NBEA: variants seen among roughly 807,000 people sequenced by gnomAD.
NBEA encodes the protein lysosomal-trafficking regulator 2.
In NBEA, 44 loss-of-function variants were observed where a neutral mutation model predicts 343.4. The observed-to-expected ratio is 0.13, with a 90% CI of 0.10 to 0.16. The LOEUF (loss-of-function observed/expected upper bound fraction) is 0.16. Among genes scored for constraint, NBEA ranks in the 10% least tolerant of loss-of-function variants. NBEA has a pLI of 1.00. For missense variants in NBEA, 2,555 were observed against 3,631.3 expected, an observed-to-expected ratio of 0.70 and a Z score of 7.62; for synonymous variants, 1,175 against 1,238.7, an observed-to-expected ratio of 0.95 and a Z score of 1.08.
intron 1 of NBEA, among the ~76,000 whole-genome samples, chr13:34,966,703 G>T (rs2059831681): frequency 6.7e-6 from 1 of 149,318 alleles, no homozygotes; most frequent in East Asian, 2.0e-4. Context: ...TGAGGTAAAT[G>T]ATGTTATTTT....
chr13:35,378,157 G>A (rs890544095), intron 38 of NBEA, among the ~76,000 whole-genome samples: 1 of 152,132 alleles, frequency 6.6e-6, no homozygotes, highest in Non-Finnish European at 1.5e-5. Flanking sequence ...CCAGGAATAG[G>A]CCCATAGAAA....
At chr13:35,621,576 T>C (rs1317962630) in intron 48 of NBEA, among the ~76,000 whole-genome samples, 1 of 152,208 alleles carries the variant, frequency 6.6e-6, no homozygotes, top group Non-Finnish European at 1.5e-5. Context: ...TAAACTCTCT[T>C]GCAGGGACTT....
intron 38 of NBEA, among the ~76,000 whole-genome samples, chr13:35,393,917 G>A (rs2042620483): frequency 6.6e-6 from 1 of 151,994 alleles, no homozygotes; most frequent in African/African-American, 2.4e-5. Context: ...TTTCCCTGGG[G>A]ATATGTGTTA....
At chr13:35,171,079 G>A (rs749588942) in intron 25 of NBEA, 193 bp from the exon 26 acceptor site, 1 of 716,596 alleles carries the variant, frequency 1.4e-6, no homozygotes, top group East Asian at 2.7e-5. Context: ...TTTATTCAAG[G>A]ATAATTGATA....
intron 1 of NBEA, among the ~76,000 whole-genome samples, chr13:35,002,934 A>G (rs756755468): frequency 1.1e-4 from 16 of 152,140 alleles, no homozygotes; most frequent in Admixed American, 3.3e-4. Flanking sequence ...AGTTCCTTCA[A>G]CGTTTGAAGT....
At chr13:35,441,793 A>G (rs1221555642) in intron 39 of NBEA, among the ~76,000 whole-genome samples, 6 of 151,896 alleles carry the variant, frequency 4.0e-5, no homozygotes, top group South Asian at 2.1e-4. Context: ...TGGAATGGAA[A>G]AAGGTTAAAA....
At chr13:35,274,588 A>C (rs1566552160) in intron 34 of NBEA, among the ~76,000 whole-genome samples, 1 of 152,222 alleles carries the variant, frequency 6.6e-6, no homozygotes, top group Non-Finnish European at 1.5e-5. Context: ...CTGTTTGCAG[A>C]TGACATAATT....
intron 41 of NBEA, among the ~76,000 whole-genome samples, chr13:35,478,015 A>T (rs1297138365): frequency 6.6e-6 from 1 of 152,106 alleles, no homozygotes; most frequent in Non-Finnish European, 1.5e-5. Flanking sequence ...TTTAATTTAG[A>T]TGCCACGTCT....
At chr13:35,497,534 G>A (rs1352193514) in intron 41 of NBEA, among the ~76,000 whole-genome samples, 1 of 152,016 alleles carries the variant, frequency 6.6e-6, no homozygotes, top group Non-Finnish European at 1.5e-5. Context: ...GAAGTTAGCA[G>A]CCAGATTATT....
chr13:35,041,136 A>G lies in NBEA; in HGVS notation c.498A>G (p.Lys166=). The part of the protein sequence containing the change: ...EVGLIEQVLL[K]MSAVDDMIAD... ...GGCTAATTGAACAAGTATTGCTGAA[A>G]ATGAGTGCTGTAGATGACATGATAG... is the stretch of plus-strand genomic sequence containing the variant. The change falls in exon 2 of 59, where the codon AAA becomes AAG. Residue 166 remains lysine, a synonymous_variant. Coordinates refer to ENST00000379939, the MANE Select transcript of NBEA (RefSeq NM_001385012.1). The G allele has an allele frequency of 1.2e-6, 2 of 1,611,986 alleles. No homozygotes were observed. Among genetic ancestry groups the G allele is most frequent in the South Asian group, 2.2e-5 (2 of 90,992 alleles).
chr13:35,598,108 A>T (rs1265016548), intron 47 of NBEA, among the ~76,000 whole-genome samples: 2 of 152,212 alleles, frequency 1.3e-5, no homozygotes, highest in African/African-American at 4.8e-5. Flanking sequence ...GGTACAGATA[A>T]GGCACAGCAA....
At chr13:35,624,361 C>G (rs1032476479) in intron 48 of NBEA, among the ~76,000 whole-genome samples, 1 of 151,872 alleles carries the variant, frequency 6.6e-6, no homozygotes, top group African/African-American at 2.4e-5. Flanking sequence ...TAAACTTAAC[C>G]AAGAACACTA....
chr13:35,202,434 T>C (rs994198337), intron 31 of NBEA, among the ~76,000 whole-genome samples: 1 of 152,178 alleles, frequency 6.6e-6, no homozygotes, highest in African/African-American at 2.4e-5. Context: ...ATTCTTATAG[T>C]GTGCCATGAA....
At chr13:35,039,350 T>C (rs183311437) in intron 1 of NBEA, among the ~76,000 whole-genome samples, 4 of 152,212 alleles carry the variant, frequency 2.6e-5, no homozygotes, top group African/African-American at 4.8e-5. Flanking sequence ...TTAGCTCTTA[T>C]GAAGAAGCTT....
At chr13:35,161,452 G>T (rs117637228) in intron 22 of NBEA, among the ~76,000 whole-genome samples, 361 of 152,206 alleles carry the variant, frequency 2.4e-3, no homozygotes, top group Non-Finnish European at 4.0e-3. Flanking sequence ...CTAATTTAAA[G>T]ACTCTTAATG....
At chr13:35,223,045 C>T (rs1217802680) in intron 33 of NBEA, among the ~76,000 whole-genome samples, 1 of 152,082 alleles carries the variant, frequency 6.6e-6, no homozygotes, top group Admixed American at 6.5e-5. Flanking sequence ...GCAGGAGAAT[C>T]ACTTAGAACC....
At chr13:35,003,394 A>G (rs940257956) in intron 1 of NBEA, among the ~76,000 whole-genome samples, 1 of 152,104 alleles carries the variant, frequency 6.6e-6, no homozygotes, top group Non-Finnish European at 1.5e-5. Flanking sequence ...GGTATGCAGT[A>G]TGTGACTGAG....
chr13:35,420,489 C>A (rs567575040), intron 38 of NBEA, among the ~76,000 whole-genome samples: 45 of 151,568 alleles, frequency 3.0e-4, no homozygotes, highest in African/African-American at 1.1e-3. Flanking sequence ...TTTTTTTGTA[C>A]TGTTTTTGGT....
chr13:35,569,065 T>C (rs974172910), intron 45 of NBEA, among the ~76,000 whole-genome samples: 1 of 152,208 alleles, frequency 6.6e-6, no homozygotes, highest in Non-Finnish European at 1.5e-5. Flanking sequence ...GGGACATCAG[T>C]ATTAGCTAAT....
Sources: allele counts gnomAD v4.1 joint callset (sites outside exome capture counted in the v4.1 genomes callset), GRCh38; gene constraint gnomAD v4.1.1; transcripts MANE v1.5; gene names NCBI Gene and HGNC (gene_info 2026-07-23, HGNC 2026-07-21).